TBC1D10A: variants seen among roughly 807,000 people sequenced by gnomAD.
The protein encoded by TBC1D10A is EBP50-PDX interactor of 64 kDa.
Under a neutral mutation model 52.9 loss-of-function variants are expected in TBC1D10A, and 24 were observed. The observed-to-expected ratio is 0.45, with a 90% CI of 0.33 to 0.64. The LOEUF is 0.64. Among genes scored for constraint, TBC1D10A ranks in the 30% least tolerant of loss-of-function variants. The probability of loss-of-function intolerance (pLI) is 0.02; values close to 1 mark genes in which losing one functional copy is unlikely to be tolerated. For synonymous variants in TBC1D10A, 278 were observed against 282.9 expected, an observed-to-expected ratio of 0.98 and a Z score of 0.17; for missense variants, 602 against 687.9, an observed-to-expected ratio of 0.88 and a Z score of 1.40.
intron 1 of TBC1D10A, among the ~76,000 whole-genome samples, chr22:30,310,216 G>A (rs904772094): frequency 3.3e-5 from 5 of 152,184 alleles, no homozygotes; most frequent in Non-Finnish European, 7.3e-5. Context: ...GGGTCATAAC[G>A]CACACCTCAT....
At chr22:30,306,015 G>A (rs1451855377) in intron 1 of TBC1D10A, among the ~76,000 whole-genome samples, 4 of 152,178 alleles carry the variant, frequency 2.6e-5, no homozygotes, top group Non-Finnish European at 4.4e-5. Context: ...CAAAAGGTCA[G>A]GTAATTTACA....
intron 1 of TBC1D10A, among the ~76,000 whole-genome samples, chr22:30,312,872 A>C (rs1163533528): frequency 6.6e-6 from 1 of 152,196 alleles, no homozygotes; most frequent in Non-Finnish European, 1.5e-5. Context: ...GAATCTACAA[A>C]GATGAATAAA....
Position 30,293,910 on chromosome 22 carries a change from C to A in TBC1D10A, c.895+11G>T. On this transcript the variant is annotated intron_variant, in intron 7 of 8. Transcript: ENST00000215790. Reference sequence around the variant, plus strand: ...GGGACAGGGGTGCTCCCCCCAAGCCCAGCCCAGTACCTTCACAGAAGAACA... The same window carrying A: ...GGGACAGGGGTGCTCCCCCCAAGCCAAGCCCAGTACCTTCACAGAAGAACA... 1 of 1,609,470 alleles carries A rather than the reference C, an allele frequency of 6.2e-7. No individual in the cohort carries two copies. The highest frequency in any genetic ancestry group is 8.5e-7 in the Non-Finnish European group (1 of 1,176,090).
At chr22:30,299,973 A>C (rs913129240) in intron 2 of TBC1D10A, among the ~76,000 whole-genome samples, 1 of 151,944 alleles carries the variant, frequency 6.6e-6, no homozygotes. Flanking sequence ...CTCAAAAAAA[A>C]AAAAAGGACT....
In TBC1D10A at chr22:30,326,659, C is replaced by T; in HGVS notation, c.209+14G>A. On this transcript the variant is annotated intron_variant, in intron 1 of 8. Coordinates refer to ENST00000215790, the MANE Select transcript of TBC1D10A (RefSeq NM_031937.3). Reference sequence around the variant, plus strand: ...TGGGTGGCGCGCTCAGTCCCGACCCCCGGCGCTACTCACGCGCCCTCGGCG... The same window carrying T: ...TGGGTGGCGCGCTCAGTCCCGACCCTCGGCGCTACTCACGCGCCCTCGGCG... The T allele has an allele frequency of 6.4e-7, 1 of 1,555,788 alleles. No homozygotes were observed. The highest frequency in any genetic ancestry group is 8.7e-7 in the Non-Finnish European group (1 of 1,152,466).
At chr22:30,294,146 G>C (rs1930021683) in intron 6 of TBC1D10A, 36 bp from the exon 7 acceptor site, 1 of 1,603,894 alleles carries the variant, frequency 6.2e-7, no homozygotes, top group Non-Finnish European at 8.5e-7. Context: ...CCATGACCGT[G>C]GGCTGCAGGA....
intron 8 of TBC1D10A, 96 bp from the exon 9 acceptor site, chr22:30,292,947 C>T (rs577607862): frequency 8.7e-6 from 12 of 1,374,916 alleles, no homozygotes; most frequent in Non-Finnish European, 1.1e-5. Flanking sequence ...CAGCATCCCC[C>T]AGCCTTGGCC....
intron 3 of TBC1D10A, chr22:30,296,571 A>C (rs1930085225): frequency 6.6e-6 from 1 of 152,214 alleles, no homozygotes; most frequent in Non-Finnish European, 1.5e-5. Context: ...CTGGGTGCCG[A>C]GGTTTCAACA....
At chr22:30,326,359 G>A (rs1226066449) in intron 1 of TBC1D10A, among the ~76,000 whole-genome samples, 1 of 151,924 alleles carries the variant, frequency 6.6e-6, no homozygotes, top group Non-Finnish European at 1.5e-5. Context: ...GGTGGGTTTG[G>A]GGCAGTCTGT....
chr22:30,295,237 G>A (rs1211907471), intron 4 of TBC1D10A, among the ~76,000 whole-genome samples, 182 bp from the exon 5 acceptor site: 1 of 152,238 alleles, frequency 6.6e-6, no homozygotes, highest in African/African-American at 2.4e-5. Flanking sequence ...CACGTGCCCA[G>A]AAGGAAGGAG....
At position 30,294,987 on chromosome 22, in the gene TBC1D10A, G is replaced by A. The variant is rs776000803; in HGVS notation, c.593C>T (p.Ala198Val). The change falls in exon 5 of 9, where the codon GCC (alanine) becomes GTC (valine). Residue 198 changes from alanine to valine, a missense_variant. Transcript: ENST00000215790. ...CAAGACAGCGGCAATGGGCGCCTGGGCCTGGCAGTAGCCCTCCTCGGGCCG... is the reference window on the plus strand; with the variant it reads ...CAAGACAGCGGCAATGGGCGCCTGGACCTGGCAGTAGCCCTCCTCGGGCCG... ...LYRPEEGYCQAQAPIAAVLLM... is the reference protein window; with the variant it reads ...LYRPEEGYCQVQAPIAAVLLM... 1.9e-6 allele frequency: 3 copies of A among 1,614,072 alleles called. No individual in the cohort carries two copies. The highest frequency in any genetic ancestry group is 2.2e-5 in the South Asian group (2 of 91,086).
Position 30,294,922 on chromosome 22 carries a change from G to C in TBC1D10A, c.639+19C>G, listed in dbSNP as rs533661371. Reference sequence around the variant, plus strand: ...GGGTTCCCCACCCACCCCCCTGCCTGCCCGGGGCCTGGTGGTACCTCAGCA... The same window carrying C: ...GGGTTCCCCACCCACCCCCCTGCCTCCCCGGGGCCTGGTGGTACCTCAGCA... On this transcript the variant is annotated intron_variant, in intron 5 of 8. Transcript: ENST00000215790. 8.7e-6 allele frequency: 14 copies of C among 1,614,022 alleles called. No homozygotes were observed. The Admixed American group carries it at 1.7e-4, about 19-fold the overall frequency.
chr22:30,318,082 C>T (rs1454100689), intron 1 of TBC1D10A, among the ~76,000 whole-genome samples: 1 of 152,158 alleles, frequency 6.6e-6, no homozygotes, highest in Non-Finnish European at 1.5e-5. Context: ...CTCTCATCTC[C>T]GGATGCCACT....
At chr22:30,301,501 C>T (rs2059448693) in intron 2 of TBC1D10A, among the ~76,000 whole-genome samples, 1 of 152,176 alleles carries the variant, frequency 6.6e-6, no homozygotes, top group South Asian at 2.1e-4. Context: ...GGAAAATGTG[C>T]TTAGTGTGGG....
rs1187275809 is a variant in TBC1D10A, at chr22:30,294,014, GC to G, written c.801del (p.Leu268SerfsTer4). On this transcript the variant is annotated frameshift_variant, in exon 7 of 9. Coordinates refer to ENST00000215790, the MANE Select transcript of TBC1D10A (RefSeq NM_031937.3). LOFTEE classifies it high-confidence loss of function. ...ATGAACCATTCTGTCATATAGAGGA[GC>G]GGGTCGATCTTCTGACGGCTGAGGT... ...HKHLSRQKID[P>X]LLYMTEWFMC... 1 of 1,614,074 alleles carries G rather than the reference GC, an allele frequency of 6.2e-7. No individual in the cohort carries two copies. Among genetic ancestry groups the G allele is most frequent in the Admixed American group, 1.7e-5 (1 of 60,004 alleles).
chr22:30,316,159 C>A (rs1930531503), intron 1 of TBC1D10A, among the ~76,000 whole-genome samples: 1 of 152,170 alleles, frequency 6.6e-6, no homozygotes, highest in Non-Finnish European at 1.5e-5. Context: ...TGATTACATT[C>A]CCAAAGTCCT....
chr22:30,304,147 G>GC (rs1438621922), intron 2 of TBC1D10A, among the ~76,000 whole-genome samples: 2 of 152,184 alleles, frequency 1.3e-5, no homozygotes, highest in African/African-American at 2.4e-5. Flanking sequence ...ATTATCCCAG[G>GC]CAAGTGCCAA....
At position 30,326,908 on chromosome 22, in the gene TBC1D10A, C is replaced by T; in HGVS notation, c.-27G>A. The T allele has an allele frequency of 1.4e-6, 2 of 1,448,696 alleles. No homozygotes were observed. Among genetic ancestry groups the T allele is most frequent in the Non-Finnish European group, 1.8e-6 (2 of 1,105,608 alleles). The allele number at this position is 1,448,696 out of a possible 1,614,324, so 89.7% of individuals were successfully genotyped here. A position where few individuals can be genotyped will look rare whatever the true frequency, so the allele number is the denominator to read the frequency against. ...CCAGCCGCGCCCGCCGCCTGAGCTC[C>T]AGCGGCCACCTCAGCCGCCCTGCTG... On this transcript the variant is annotated 5_prime_UTR_variant, in exon 1 of 9. Transcript: ENST00000215790.
chr22:30,299,442 AC>A lies in TBC1D10A; in HGVS notation c.417+1del. ...GGGCAGGGCAAAGGAAGGGAAACTT[AC>A]GTCAAACTTTCCAGGGTTCTGCTGT... On this transcript the variant is annotated splice_donor_variant, in intron 3 of 8. Coordinates refer to ENST00000215790, the MANE Select transcript of TBC1D10A (RefSeq NM_031937.3). LOFTEE classifies it high-confidence loss of function. The A allele has an allele frequency of 6.2e-7, 1 of 1,613,884 alleles. No homozygotes were observed.
Sources: gnomAD v4.1 joint callset for allele counts (sites outside exome capture counted in the v4.1 genomes callset) on GRCh38, gnomAD v4.1.1 for gene constraint, MANE v1.5 for transcripts, NCBI Gene and HGNC (gene_info 2026-07-23, HGNC 2026-07-21) for gene names.